KIAA0825: variants seen among roughly 807,000 people sequenced by gnomAD.
KIAA0825 encodes KIAA0825, also known as uncharacterized protein KIAA0825.
Under a neutral mutation model 147.6 loss-of-function variants are expected in KIAA0825, and 119 were observed. The ratio of observed to expected loss-of-function variants is 0.81; its 90% CI spans 0.69 to 0.94. The LOEUF is 0.94. Ranked by LOEUF, KIAA0825 falls within the 40% of genes least tolerant of loss-of-function variation. The pLI is 0.00. For missense variants in KIAA0825, 1,381 were observed against 1,472.7 expected (o/e 0.94, Z 1.02); for synonymous variants, 470 against 518.1 (o/e 0.91, Z 1.26).
chr5:94,543,141 T>C (rs1000189926), intron 2 of KIAA0825, among the ~76,000 whole-genome samples: 1 of 152,180 alleles, frequency 6.6e-6, no homozygotes, highest in Non-Finnish European at 1.5e-5. Context: ...ATGACTTGGC[T>C]TGGCTTTAAA....
intron 20 of KIAA0825, among the ~76,000 whole-genome samples, chr5:94,208,686 G>A (rs1772427845): frequency 6.6e-6 from 1 of 152,206 alleles, no homozygotes; most frequent in African/African-American, 2.4e-5. Flanking sequence ...GAAAGATGGA[G>A]CTGGGGCTGG....
intron 20 of KIAA0825, among the ~76,000 whole-genome samples, chr5:94,379,614 A>C (rs1748086044): frequency 6.6e-6 from 1 of 152,106 alleles, no homozygotes; most frequent in African/African-American, 2.4e-5. Flanking sequence ...ATTTTAAAAT[A>C]ACTAATTCTG....
At chr5:94,406,828 G>A (rs924281176) in intron 15 of KIAA0825, among the ~76,000 whole-genome samples, 2 of 152,142 alleles carry the variant, frequency 1.3e-5, no homozygotes, top group African/African-American at 4.8e-5. Flanking sequence ...GAGGTAGAAT[G>A]TCTTTTGACC....
chr5:94,305,946 C>A (rs1778702913), intron 20 of KIAA0825, among the ~76,000 whole-genome samples: 1 of 151,758 alleles, frequency 6.6e-6, no homozygotes, highest in Non-Finnish European at 1.5e-5. Flanking sequence ...AATTATAGTA[C>A]ACTTAAAACT....
At chr5:94,603,799 C>T (rs1284952270) in intron 1 of KIAA0825, among the ~76,000 whole-genome samples, 1 of 152,072 alleles carries the variant, frequency 6.6e-6, no homozygotes, top group Non-Finnish European at 1.5e-5. Flanking sequence ...AAAGAGACTT[C>T]AAACGAACAA....
rs1284533354 is a variant in KIAA0825, at chr5:94,152,855, ATTATATATATAT to A, written c.*1140_*1151del. 5.4e-4 allele frequency: 3 copies of A among 5,598 alleles called. No homozygotes were observed. Among genetic ancestry groups the A allele is most frequent in the East Asian group, 7.0e-3 (2 of 286 alleles). 0.3% of individuals were successfully genotyped at this position (5,598 alleles called of 1,614,324 possible). ...AAAAAAAAAAAAAAAAAAAAAAAAA[ATTATATATATAT>A]ATATATATATATATATATATATATA... On this transcript the variant is annotated 3_prime_UTR_variant, in exon 21 of 21. Coordinates refer to ENST00000682413, the MANE Select transcript of KIAA0825 (RefSeq NM_001145678.3).
At chr5:94,477,616 A>G (rs1290578924) in intron 6 of KIAA0825, among the ~76,000 whole-genome samples, 6 of 152,156 alleles carry the variant, frequency 3.9e-5, no homozygotes, top group Non-Finnish European at 7.4e-5. Flanking sequence ...CTATATTTTA[A>G]AAATGGTGGT....
chr5:94,230,051 T>G (rs1055166893), intron 20 of KIAA0825, among the ~76,000 whole-genome samples: 2 of 152,162 alleles, frequency 1.3e-5, no homozygotes, highest in Non-Finnish European at 2.9e-5. Context: ...TTGGAAGATA[T>G]GTGTTCGTGG....
intron 20 of KIAA0825, among the ~76,000 whole-genome samples, chr5:94,192,020 GA>G (rs2150002604): frequency 6.6e-6 from 1 of 152,322 alleles, no homozygotes; most frequent in African/African-American, 2.4e-5. Context: ...AAGTCAATGG[GA>G]AAAGATGCAC....
Position 94,464,948 on chromosome 5 carries a change from C to T in KIAA0825, c.1984G>A (p.Val662Met). ...AGTAGACTCAAAGATTTCTCCAGCACTTCCACTAGAATCTCCTGGGCTAAC... is the reference window on the plus strand; with the variant it reads ...AGTAGACTCAAAGATTTCTCCAGCATTTCCACTAGAATCTCCTGGGCTAAC... ...PKLAQEILVE[V>M]LEKSLSLLAS... is the part of the protein sequence containing the mutation. The change falls in exon 11 of 21, where the codon GTG (valine) becomes ATG (methionine). Residue 662 changes from valine (V) to methionine (M), a missense_variant. Physicochemically the swap from Val to Met is conservative, Grantham distance 21. Coordinates refer to ENST00000682413, the MANE Select transcript of KIAA0825 (RefSeq NM_001145678.3). 6.4e-7 allele frequency: 1 copy of T among 1,551,692 alleles called. No homozygotes were observed. The highest frequency in any genetic ancestry group is 1.7e-4 in the Middle Eastern group (1 of 5,992).
chr5:94,246,441 G>T (rs191447527), intron 20 of KIAA0825, among the ~76,000 whole-genome samples: 1 of 152,036 alleles, frequency 6.6e-6, no homozygotes, highest in Non-Finnish European at 1.5e-5. Context: ...TTACCACACC[G>T]TAACCAGATA....
intron 20 of KIAA0825, among the ~76,000 whole-genome samples, chr5:94,335,114 C>A (rs1221989925): frequency 1.3e-5 from 2 of 151,842 alleles, no homozygotes; most frequent in East Asian, 3.9e-4. Context: ...GTTCGATTAC[C>A]CCCTCATTAC....
At chr5:94,510,898 T>A (rs1293509138) in intron 5 of KIAA0825, among the ~76,000 whole-genome samples, 1 of 152,214 alleles carries the variant, frequency 6.6e-6, no homozygotes, top group Admixed American at 6.5e-5. Flanking sequence ...AGAATTTTAA[T>A]AGTTCTAAGT....
chr5:94,254,358 C>CA (rs1365875780), intron 20 of KIAA0825, among the ~76,000 whole-genome samples: 1 of 152,070 alleles, frequency 6.6e-6, no homozygotes, highest in African/African-American at 2.4e-5. Context: ...CCACAGGGGC[C>CA]AGTTAGCTTT....
intron 2 of KIAA0825, among the ~76,000 whole-genome samples, chr5:94,563,740 A>G (rs1778024700): frequency 6.6e-6 from 1 of 152,018 alleles, no homozygotes; most frequent in South Asian, 2.1e-4. Flanking sequence ...GATGGGGTGC[A>G]ATGGTGCAAT....
At chr5:94,351,374 C>A (rs1445122205) in intron 20 of KIAA0825, among the ~76,000 whole-genome samples, 1 of 152,054 alleles carries the variant, frequency 6.6e-6, no homozygotes, top group Non-Finnish European at 1.5e-5. Context: ...TAGGAATACA[C>A]CTAACCAGGG....
At chr5:94,179,519 C>T (rs1769407071) in intron 20 of KIAA0825, among the ~76,000 whole-genome samples, 1 of 152,050 alleles carries the variant, frequency 6.6e-6, no homozygotes, top group South Asian at 2.1e-4. Flanking sequence ...AGTAACCACA[C>T]ATATATTTCC....
At chr5:94,543,606 T>C (rs1160701215) in intron 2 of KIAA0825, among the ~76,000 whole-genome samples, 2 of 152,172 alleles carry the variant, frequency 1.3e-5, no homozygotes, top group Admixed American at 6.5e-5. Flanking sequence ...GAGACCCTAA[T>C]AGTTAGGCAG....
chr5:94,574,426 C>G (rs527423163), intron 2 of KIAA0825, among the ~76,000 whole-genome samples: 1 of 151,680 alleles, frequency 6.6e-6, no homozygotes, highest in African/African-American at 2.4e-5. Context: ...TGCCTGTAAT[C>G]CCAGCTACTC....
Sources: gnomAD v4.1 joint callset for allele counts (sites outside exome capture counted in the v4.1 genomes callset) on GRCh38, gnomAD v4.1.1 for gene constraint, MANE v1.5 for transcripts, NCBI Gene and HGNC (gene_info 2026-07-23, HGNC 2026-07-21) for gene names.